ST7L: variants seen among roughly 807,000 people sequenced by gnomAD.
ST7L encodes suppression of tumorigenicity 7 like.
Under a neutral mutation model 72.5 loss-of-function variants are expected in ST7L, and 57 were observed. That is an observed-to-expected ratio of 0.79 (90% CI 0.64 to 0.98). The LOEUF (loss-of-function observed/expected upper bound fraction) is 0.98, where lower values mean the gene tolerates loss of function less well. Among genes scored for constraint, ST7L ranks in the 50% least tolerant of loss-of-function variants. ST7L has a pLI of 0.00. For missense variants in ST7L, 576 were observed against 672.2 expected, an observed-to-expected ratio of 0.86 and a Z score of 1.58; for synonymous variants, 221 against 240.9, an observed-to-expected ratio of 0.92 and a Z score of 0.77.
At chr1:112,569,293 G>A (rs945088498) in intron 11 of ST7L, among the ~76,000 whole-genome samples, 4 of 152,164 alleles carry the variant, frequency 2.6e-5, no homozygotes, top group Admixed American at 6.5e-5. Context: ...CATTATTCAT[G>A]CTAGTCAAAA....
At chr1:112,535,837 T>C (rs898442456) in intron 14 of ST7L, among the ~76,000 whole-genome samples, 2 of 152,176 alleles carry the variant, frequency 1.3e-5, no homozygotes, top group African/African-American at 2.4e-5. Flanking sequence ...ACAAATTTCT[T>C]AGTTTGGTTC....
chr1:112,554,504 C>A (rs1468746955), intron 12 of ST7L, among the ~76,000 whole-genome samples: 1 of 152,104 alleles, frequency 6.6e-6, no homozygotes, highest in Non-Finnish European at 1.5e-5. Flanking sequence ...GAAATTGGAA[C>A]TTTTGTGCCT....
chr1:112,579,214 C>T lies in ST7L; in HGVS notation c.1070-797G>A, dbSNP rs573103262. On this transcript the variant is annotated intron_variant, in intron 9 of 14. Coordinates refer to ENST00000358039, the MANE Select transcript of ST7L (RefSeq NM_017744.5). The stretch of plus-strand genomic sequence containing the variant: ...CCTGGCCAACATAGTGAAACCCTGT[C>T]TCTACTAAAAATACAAAAAATTAGC... Among the ~76,000 whole-genome samples, 172 of 151,874 alleles carry T rather than the reference C, an allele frequency of 1.1e-3. 2 individuals are homozygous for T. Among genetic ancestry groups the T allele is most frequent in the African/African-American group, 4.1e-3 (169 of 41,420 alleles).
At chr1:112,597,941 G>C in intron 5 of ST7L, 30 bp downstream of exon 5, 1 of 1,527,480 alleles carries the variant, frequency 6.5e-7, no homozygotes, top group Non-Finnish European at 9.0e-7. Context: ...CATGATCACT[G>C]TTTATACTAT....
In ST7L at chr1:112,577,082, A is replaced by G; in HGVS notation, c.1149T>C (p.Ser383=). ...ATCCTCTTCTGGAGGCTGTTTCTGG[A>G]GAGAATCTACAAGAAAACCACAAAA... ...LKTRTVSEKF[S]PETASRRGLS... The change falls in exon 11 of 15, where the codon TCT becomes TCC. Residue 383 remains serine (S), a synonymous_variant. Coordinates refer to ENST00000358039, the MANE Select transcript of ST7L (RefSeq NM_017744.5). 6.3e-7 allele frequency: 1 copy of G among 1,583,260 alleles called. No individual in the cohort carries two copies.
chr1:112,619,223 G>A (rs1420437305), upstream of ST7L: 17 of 1,027,102 alleles, frequency 1.7e-5, no homozygotes, highest in Admixed American at 2.3e-5. Flanking sequence ...TGAAGGCTGA[G>A]TCCTGGGGAA....
chr1:112,525,443 G>A lies in ST7L; in HGVS notation c.*570C>T, dbSNP rs1413653958. The A allele has an allele frequency of 2.0e-5, 3 of 152,704 alleles. No homozygotes were observed. The highest frequency in any genetic ancestry group is 2.9e-5 in the Non-Finnish European group (2 of 68,448). 9.5% of individuals were successfully genotyped at this position (152,704 alleles called of 1,614,324 possible). A position where few individuals can be genotyped will look rare whatever the true frequency, so the allele number is the denominator to read the frequency against. On this transcript the variant is annotated 3_prime_UTR_variant, in exon 15 of 15. Coordinates refer to ENST00000358039, the MANE Select transcript of ST7L (RefSeq NM_017744.5). ...CCCTGTCCCTGACCTCAAAGGTAAA[G>A]GGATAGAAAAGAGAGGGCGTTGACA... is the stretch of plus-strand genomic sequence containing the variant.
rs779716249 is a variant in ST7L at position 112,550,697 on chromosome 1, A to G, written c.1397-4T>C. 3.1e-6 allele frequency: 5 copies of G among 1,608,024 alleles called. No individual in the cohort carries two copies. The East Asian group carries it at 1.1e-4, about 36-fold the overall frequency. ...GGGTATGGAATCATTCTAAAAGCTG[A>G]GGAAAAAAAAGCATGTGTTGATACT... On this transcript the variant is annotated splice_region_variant and splice_polypyrimidine_tract_variant and intron_variant, in intron 12 of 14. Coordinates refer to ENST00000358039, the MANE Select transcript of ST7L (RefSeq NM_017744.5).
At position 112,603,927 on chromosome 1, in the gene ST7L, G is replaced by A. The variant is rs554951945; in HGVS notation, c.452-3079C>T. Among the ~76,000 whole-genome samples the A allele has an allele frequency of 3.3e-5, 5 of 152,286 alleles. No individual in the cohort carries two copies. The East Asian group carries it at 9.6e-4, about 29-fold the overall frequency. ...TTTTCAATAGTCATATGGGGGATTA[G>A]GGGTTCAAAATATGAATTTTGGGGA... is the stretch of plus-strand genomic sequence containing the variant. On this transcript the variant is annotated intron_variant, in intron 3 of 14. Transcript: ENST00000358039.
chr1:112,560,357 G>A (rs370792367), intron 11 of ST7L, among the ~76,000 whole-genome samples: 2 of 152,156 alleles, frequency 1.3e-5, no homozygotes, highest in South Asian at 4.1e-4. Flanking sequence ...TCGCGCCACT[G>A]CACTCCAGCC....
intron 12 of ST7L, among the ~76,000 whole-genome samples, chr1:112,553,233 AACACACAC>A (rs71584746): frequency 2.7e-5 from 4 of 149,384 alleles, no homozygotes; most frequent in South Asian, 2.1e-4. Context: ...CTTTTCTTTA[AACACACAC>A]ACACACACAC....
At chr1:112,583,885 T>G in intron 7 of ST7L, 87 bp downstream of exon 7, 2 of 1,454,112 alleles carry the variant, frequency 1.4e-6, no homozygotes, top group Non-Finnish European at 1.9e-6. Context: ...CTGTAAGTAT[T>G]AAGTTTTTTA....
chr1:112,574,484 C>T (rs914078679), intron 11 of ST7L, among the ~76,000 whole-genome samples: 2 of 151,528 alleles, frequency 1.3e-5, no homozygotes, highest in Admixed American at 6.6e-5. Flanking sequence ...ACTGTGAAAC[C>T]TCGTCTCTAC....
intron 11 of ST7L, among the ~76,000 whole-genome samples, chr1:112,560,187 G>A (rs983051622): frequency 6.6e-6 from 1 of 151,892 alleles, no homozygotes. Flanking sequence ...GAGGTTAGGA[G>A]ATCCAGACCA....
intron 11 of ST7L, among the ~76,000 whole-genome samples, chr1:112,560,180 G>C (rs1378511195): frequency 1.3e-5 from 2 of 151,736 alleles, no homozygotes; most frequent in African/African-American, 4.8e-5. Flanking sequence ...GGATCACGAG[G>C]TTAGGAGATC....
chr1:112,556,145 C>G, intron 11 of ST7L, 127 bp from the exon 12 acceptor site: 3 of 710,244 alleles, frequency 4.2e-6, no homozygotes, highest in Non-Finnish European at 6.1e-6. Context: ...TTTTAAAAAA[C>G]TAACTGAAAT....
intron 1 of ST7L, chr1:112,618,667 G>T: frequency 1.3e-6 from 1 of 780,080 alleles, no homozygotes; most frequent in Non-Finnish European, 1.9e-6. Context: ...GCTTTTCCAT[G>T]GAAAAACGAG....
intron 3 of ST7L, among the ~76,000 whole-genome samples, chr1:112,608,507 A>T (rs1411996611): frequency 6.6e-6 from 1 of 152,106 alleles, no homozygotes; most frequent in Non-Finnish European, 1.5e-5. Context: ...TTTTACTGTC[A>T]ATTTATTTAT....
intron 14 of ST7L, among the ~76,000 whole-genome samples, chr1:112,535,872 G>A (rs554241169): frequency 6.6e-6 from 1 of 152,248 alleles, no homozygotes; most frequent in African/African-American, 2.4e-5. Context: ...AAACAAGGAT[G>A]AAACATGAGA....
Sources: allele counts gnomAD v4.1 joint callset (sites outside exome capture counted in the v4.1 genomes callset), GRCh38; gene constraint gnomAD v4.1.1; transcripts MANE v1.5; gene names NCBI Gene and HGNC (gene_info 2026-07-23, HGNC 2026-07-21).